The following ELAVL1 variants were observed in gnomAD, a reference collection of about 807,000 sequenced individuals.
ELAVL1 encodes ELAV like RNA binding protein 1.
A neutral mutation model predicts 28.4 loss-of-function variants in ELAVL1; 1 was observed. The observed-to-expected ratio is 0.04, with a 90% CI of 0.01 to 0.17. The LOEUF is 0.17. ELAVL1 is among the 10% of genes least tolerant of loss of function. The pLI is 1.00. For synonymous variants in ELAVL1, 174 were observed against 183.5 expected, an observed-to-expected ratio of 0.95 and a Z score of 0.42; for missense variants, 157 against 447.2, an observed-to-expected ratio of 0.35 and a Z score of 5.85.
chr19:8,002,091 T>G (rs760339979), intron 1 of ELAVL1: 1 of 1,289,308 alleles, frequency 7.8e-7, no homozygotes, highest in South Asian at 1.2e-5. Flanking sequence ...AGTGGACACC[T>G]GAGCACTCCT....
rs577741149 is a variant in ELAVL1, at chr19:7,981,002, G to C, written c.276+81C>G. 115 of 1,408,594 alleles carry C rather than the reference G, an allele frequency of 8.2e-5. No homozygotes were observed. Among genetic ancestry groups the C allele is most frequent in the Non-Finnish European group, 1.1e-4 (112 of 996,172 alleles). The allele number at this position is 1,408,594 out of a possible 1,614,324, so 87.3% of individuals were successfully genotyped here. ...GGCTGTGCTCATAGTCCCTTGGAGA[G>C]TGACTGTGAGGCTGGGCGGGGCTCA... On this transcript the variant is annotated intron_variant, in intron 3 of 5. Coordinates refer to ENST00000407627, the MANE Select transcript of ELAVL1 (RefSeq NM_001419.3). The surrounding 1 kb of genome is among the most constrained non-coding windows in gnomAD (Gnocchi z 4.2).
chr19:7,967,624 C>A lies in ELAVL1; in HGVS notation c.597G>T (p.Leu199=). ...CGAACCGTCGCGCTGGCGAGTGGTA[C>A]AGCTGCGAGAGGAGTGCCACGTTTT... ...QNKNVALLSQ[L]YHSPARRFGG... The change falls in exon 5 of 6, where the codon CTG becomes CTT. Residue 199 remains leucine (L), a synonymous_variant. Transcript: ENST00000407627. 6.2e-7 allele frequency: 1 copy of A among 1,614,204 alleles called. No homozygotes were observed. The highest frequency in any genetic ancestry group is 1.3e-5 in the African/African-American group (1 of 75,056).
chr19:7,963,020 G>C lies in ELAVL1; in HGVS notation c.*463C>G, dbSNP rs1044460975. On this transcript the variant is annotated 3_prime_UTR_variant, in exon 6 of 6. Coordinates refer to ENST00000407627, the MANE Select transcript of ELAVL1 (RefSeq NM_001419.3). This position sits in a 1 kb window ranked among gnomAD's most constrained non-coding sequence, Gnocchi z 4.5. The stretch of plus-strand genomic sequence containing the variant: ...GAAAAGGAACTTCCTGTCAACCAAA[G>C]CATACATCGCTTACAATGTTGAAGC... 6.3e-6 allele frequency: 1 copy of C among 158,300 alleles called. No homozygotes were observed. The highest frequency in any genetic ancestry group is 2.4e-5 in the African/African-American group (1 of 41,486). The allele number at this position is 158,300 out of a possible 1,614,324, so 9.8% of individuals were successfully genotyped here. A position where few individuals can be genotyped will look rare whatever the true frequency, so the allele number is the denominator to read the frequency against.
In ELAVL1 at chr19:7,960,879, C is replaced by T. The variant is rs2145195636; in HGVS notation, c.*2604G>A. 1 of 152,202 alleles carries T rather than the reference C, an allele frequency of 6.6e-6. No individual in the cohort carries two copies. Among genetic ancestry groups the T allele is most frequent in the South Asian group, 2.1e-4 (1 of 4,824 alleles). 9.4% of individuals were successfully genotyped at this position (152,202 alleles called of 1,614,324 possible). ...ACAGGCCTTGATAAGATGTAATGAA[C>T]TTTGAGGACACAGGGCCAGCAACTA... On this transcript the variant is annotated 3_prime_UTR_variant, in exon 6 of 6. Transcript: ENST00000407627.
At chr19:7,996,227 G>A (rs1366959105) in intron 1 of ELAVL1, among the ~76,000 whole-genome samples, 4 of 150,644 alleles carry the variant, frequency 2.7e-5, no homozygotes, top group Admixed American at 2.6e-4. Flanking sequence ...TGTCACCCAG[G>A]CTGGAGTGCA....
rs1984731439 is a variant in ELAVL1, at chr19:7,959,000, A to G, written c.*4483T>C. The G allele has an allele frequency of 6.5e-6, 1 of 153,638 alleles. No individual in the cohort carries two copies. 9.5% of individuals were successfully genotyped at this position (153,638 alleles called of 1,614,324 possible). A position where few individuals can be genotyped will look rare whatever the true frequency, so the allele number is the denominator to read the frequency against. On this transcript the variant is annotated 3_prime_UTR_variant, in exon 6 of 6. Transcript: ENST00000407627. ...TTAATCTGAAGTCTTCTGGGTTATCAAAATCTAGGTTTGCTTTTTCCTCCT... is the reference window on the plus strand; with the variant it reads ...TTAATCTGAAGTCTTCTGGGTTATCGAAATCTAGGTTTGCTTTTTCCTCCT...
intron 3 of ELAVL1, among the ~76,000 whole-genome samples, chr19:7,976,047 C>T (rs941447867): frequency 5.3e-5 from 8 of 150,580 alleles, no homozygotes; most frequent in Non-Finnish European, 1.0e-4. Flanking sequence ...GAGCCGTGAT[C>T]ACATCACTGC....
In ELAVL1 at chr19:7,960,326, C is replaced by G. The variant is rs1984770030; in HGVS notation, c.*3157G>C. 6.6e-6 allele frequency: 1 copy of G among 152,186 alleles called. No individual in the cohort carries two copies. The highest frequency in any genetic ancestry group is 2.4e-5 in the African/African-American group (1 of 41,432). 9.4% of individuals were successfully genotyped at this position (152,186 alleles called of 1,614,324 possible). A position where few individuals can be genotyped will look rare whatever the true frequency, so the allele number is the denominator to read the frequency against. On this transcript the variant is annotated 3_prime_UTR_variant, in exon 6 of 6. Coordinates refer to ENST00000407627, the MANE Select transcript of ELAVL1 (RefSeq NM_001419.3). The stretch of plus-strand genomic sequence containing the variant: ...GCAGCTGCCCTTGGCCAGGAAAAGG[C>G]TCACCTTCCAGGAGAAGGTGGCGGA...
chr19:8,002,375 G>T (rs1350230945), intron 1 of ELAVL1, among the ~76,000 whole-genome samples: 1 of 151,970 alleles, frequency 6.6e-6, no homozygotes, highest in Non-Finnish European at 1.5e-5. Context: ...CATCAGAGTG[G>T]GCTGAGATGA....
chr19:7,993,571 T>C (rs1985806654), intron 1 of ELAVL1, among the ~76,000 whole-genome samples: 1 of 152,240 alleles, frequency 6.6e-6, no homozygotes, highest in African/African-American at 2.4e-5. Context: ...GTGATGACTT[T>C]GGAGAAGAGT....
At chr19:7,991,943 T>TG (rs951419305) in intron 1 of ELAVL1, 112 bp from the exon 2 acceptor site, 91 of 1,043,992 alleles carry the variant, frequency 8.7e-5, no homozygotes, top group East Asian at 8.1e-4. Flanking sequence ...TTTTTTTTTT[T>TG]TTTTGTTTTG....
rs1433810199 is a variant in ELAVL1, at chr19:7,991,492, A to C, written c.172+152T>G. The C allele has an allele frequency of 8.0e-6, 6 of 753,008 alleles. No individual in the cohort carries two copies. In the South Asian group the frequency reaches 8.7e-5, roughly 11 times the overall value. 46.6% of individuals were successfully genotyped at this position (753,008 alleles called of 1,614,324 possible). ...CCGATCTTATACAAGAGCAATGGAC[A>C]GAGTTTGAAATAAAAATGAAACTTC... On this transcript the variant is annotated intron_variant, in intron 2 of 5. Coordinates refer to ENST00000407627, the MANE Select transcript of ELAVL1 (RefSeq NM_001419.3).
At chr19:8,003,617 G>A (rs1290672656) in intron 1 of ELAVL1, among the ~76,000 whole-genome samples, 8 of 150,892 alleles carry the variant, frequency 5.3e-5, no homozygotes, top group East Asian at 1.9e-4. Flanking sequence ...GCGTGAACCC[G>A]GGAGGCGGAG....
intron 1 of ELAVL1, among the ~76,000 whole-genome samples, chr19:7,997,961 A>C (rs1462248503): frequency 6.6e-6 from 1 of 152,056 alleles, no homozygotes; most frequent in African/African-American, 2.4e-5. Context: ...AAAAACAACA[A>C]CAAAACCACA....
intron 1 of ELAVL1, chr19:8,002,247 A>T (rs1340247442): frequency 7.7e-6 from 5 of 646,328 alleles, no homozygotes; most frequent in Non-Finnish European, 1.2e-5. Flanking sequence ...TTGCCTGGTT[A>T]GCTCCTCCCC....
rs2113115 is a variant in ELAVL1, at chr19:7,991,949, T to C, written c.-16-118A>G. The C allele has an allele frequency of 8.4e-6, 7 of 833,236 alleles. No homozygotes were observed. In the Middle Eastern group the frequency reaches 1.6e-3, roughly 187 times the overall value. The allele number at this position is 833,236 out of a possible 1,614,324, so 51.6% of individuals were successfully genotyped here. A position where few individuals can be genotyped will look rare whatever the true frequency, so the allele number is the denominator to read the frequency against. ...CTTTCTTTCTTTTTTTTTTTTTTTGTTTTGTTTTTGAGACAGAGTCTCACT... is the reference window on the plus strand; with the variant it reads ...CTTTCTTTCTTTTTTTTTTTTTTTGCTTTGTTTTTGAGACAGAGTCTCACT... On this transcript the variant is annotated intron_variant, in intron 1 of 5. Transcript: ENST00000407627.
intron 2 of ELAVL1, among the ~76,000 whole-genome samples, chr19:7,983,121 C>CTGCA (rs1240433466): frequency 6.6e-6 from 1 of 152,200 alleles, no homozygotes; most frequent in African/African-American, 2.4e-5. Context: ...GCAGTTAGTT[C>CTGCA]TGCATGGGGC....
Position 7,979,712 on chromosome 19 carries a change from A to C in ELAVL1, c.276+1371T>G, listed in dbSNP as rs1234685055. Among the ~76,000 whole-genome samples the C allele has an allele frequency of 6.6e-6, 1 of 152,180 alleles. No homozygotes were observed. The highest frequency in any genetic ancestry group is 1.9e-4 in the East Asian group (1 of 5,176). ...CTGAGGACCTGCACTGGACACGAGGAGGCAGGAGTGGCGCGCCTGCCCTCA... is the reference window on the plus strand; with the variant it reads ...CTGAGGACCTGCACTGGACACGAGGCGGCAGGAGTGGCGCGCCTGCCCTCA... On this transcript the variant is annotated intron_variant, in intron 3 of 5. Coordinates refer to ENST00000407627, the MANE Select transcript of ELAVL1 (RefSeq NM_001419.3). This position sits in a 1 kb window ranked among gnomAD's most constrained non-coding sequence, Gnocchi z 5.4.
At chr19:7,978,413 C>T (rs1195363106) in intron 3 of ELAVL1, among the ~76,000 whole-genome samples, 1 of 152,004 alleles carries the variant, frequency 6.6e-6, no homozygotes, top group African/African-American at 2.4e-5. Flanking sequence ...GGATGGAGTT[C>T]GATCACATGG....
Sources: allele counts gnomAD v4.1 joint callset (sites outside exome capture counted in the v4.1 genomes callset), GRCh38; gene constraint gnomAD v4.1.1; non-coding constraint Gnocchi (gnomAD v3.1); transcripts MANE v1.5; gene names NCBI Gene and HGNC (gene_info 2026-07-23, HGNC 2026-07-21).